IL1RAPL2: variants seen among roughly 807,000 people sequenced by gnomAD.
The protein encoded by IL1RAPL2 is X-linked interleukin-1 receptor accessory protein-like 2.
In IL1RAPL2, 3 loss-of-function variants were observed where a neutral mutation model predicts 44.1. The ratio of observed to expected loss-of-function variants is 0.07; its 90% CI spans 0.03 to 0.18. IL1RAPL2 has a LOEUF of 0.18. IL1RAPL2 is among the 10% of genes least tolerant of loss of function. The pLI is 1.00. For missense variants in IL1RAPL2, 391 were observed against 496.4 expected (o/e 0.79, Z 2.02); for synonymous variants, 181 against 178.8 (o/e 1.01, Z -0.10).
intron 2 of IL1RAPL2, among the ~76,000 whole-genome samples, chrX:104,954,830 T>C (rs1320376229): frequency 1.8e-5 from 2 of 112,789 alleles, no homozygotes; most frequent in Non-Finnish European, 3.8e-5. Flanking sequence ...GCCCCAGAAG[T>C]TTTTTGGCTT....
chrX:105,324,071 C>T (rs903703858), intron 5 of IL1RAPL2, among the ~76,000 whole-genome samples: 1 of 111,615 alleles, frequency 9.0e-6, no homozygotes, highest in African/African-American at 3.3e-5. Flanking sequence ...AAGATTGTAA[C>T]GTGATACAAA....
chrX:104,583,877 C>G (rs1234616935), intron 1 of IL1RAPL2, among the ~76,000 whole-genome samples: 1 of 111,717 alleles, frequency 9.0e-6, no homozygotes, highest in Non-Finnish European at 1.9e-5. Flanking sequence ...CTTAATGTTT[C>G]CTGACTCAGG....
intron 2 of IL1RAPL2, among the ~76,000 whole-genome samples, chrX:105,012,631 TC>T (rs2031073794): frequency 2.7e-5 from 2 of 73,355 alleles, no homozygotes; most frequent in Non-Finnish European, 4.9e-5. Flanking sequence ...TCTCTCTCTC[TC>T]TCTCTCTCTC....
chrX:105,752,508 A>G, intron 9 of IL1RAPL2, among the ~76,000 whole-genome samples: 1 of 111,876 alleles, frequency 8.9e-6, no homozygotes, highest in East Asian at 2.8e-4. Flanking sequence ...TCTTCCTTAC[A>G]CTGTTCTGTC....
At chrX:105,542,282 T>C (rs1335535375) in intron 6 of IL1RAPL2, among the ~76,000 whole-genome samples, 2 of 112,012 alleles carry the variant, frequency 1.8e-5, no homozygotes, top group African/African-American at 6.5e-5. Flanking sequence ...AACACACAGC[T>C]TTATACTATT....
intron 2 of IL1RAPL2, among the ~76,000 whole-genome samples, chrX:104,698,187 A>G (rs185148692): frequency 1.8e-5 from 2 of 112,507 alleles, no homozygotes; most frequent in African/African-American, 6.5e-5. Flanking sequence ...AAAGTGAGGG[A>G]GAAAGAAAAT....
chrX:105,580,735 T>C (rs749998427), intron 6 of IL1RAPL2, among the ~76,000 whole-genome samples: 3 of 111,519 alleles, frequency 2.7e-5, no homozygotes, highest in South Asian at 3.8e-4. Flanking sequence ...CTAGGAGGCA[T>C]TGGCAGCTCT....
intron 9 of IL1RAPL2, among the ~76,000 whole-genome samples, chrX:105,750,622 G>C (rs2038589496): frequency 9.2e-6 from 1 of 108,969 alleles, no homozygotes; most frequent in African/African-American, 3.3e-5. Context: ...GCTTTTTGAT[G>C]AGTACATATG....
chrX:105,110,934 C>G (rs923810184), intron 2 of IL1RAPL2, among the ~76,000 whole-genome samples: 2 of 110,813 alleles, frequency 1.8e-5, no homozygotes, highest in Non-Finnish European at 3.8e-5. Flanking sequence ...GAGACTCCAC[C>G]TCAAAAAAAT....
Position 105,444,219 on chromosome X carries a change from C to G in IL1RAPL2, c.698-40094C>G, listed in dbSNP as rs143040729. Among the ~76,000 whole-genome samples, 592 of 111,909 alleles carry G rather than the reference C, an allele frequency of 5.3e-3. 2 individuals are homozygous for G. Among genetic ancestry groups the G allele is most frequent in the Non-Finnish European group, 9.1e-3 (483 of 53,128 alleles). ...ATTTTTTTCCTATAGAGCTGTTGAACACCTTATATATTCTGGTTATGAATC... is the reference window on the plus strand; with the variant it reads ...ATTTTTTTCCTATAGAGCTGTTGAAGACCTTATATATTCTGGTTATGAATC... On this transcript the variant is annotated intron_variant, in intron 5 of 10. Coordinates refer to ENST00000372582, the MANE Select transcript of IL1RAPL2 (RefSeq NM_017416.2).
intron 5 of IL1RAPL2, among the ~76,000 whole-genome samples, chrX:105,433,557 G>T (rs2035862081): frequency 9.0e-6 from 1 of 111,280 alleles, no homozygotes; most frequent in Admixed American, 9.6e-5. Context: ...TAATTGACTT[G>T]CAACTACCCT....
At chrX:105,027,441 C>A (rs1429191446) in intron 2 of IL1RAPL2, among the ~76,000 whole-genome samples, 1 of 110,894 alleles carries the variant, frequency 9.0e-6, no homozygotes, top group East Asian at 2.8e-4. Context: ...GGATTAATAA[C>A]CACAATATAA....
At position 105,277,289 on chromosome X, in the gene IL1RAPL2, G is replaced by A. The variant is rs2034494109; in HGVS notation, c.697+9748G>A. On this transcript the variant is annotated intron_variant, in intron 5 of 10. Transcript: ENST00000372582. ...TAAGGAACAACCACAGCAGTCAATA[G>A]TTCTTGGATGCATTAAGGGAACATT... is the stretch of plus-strand genomic sequence containing the variant. Among the ~76,000 whole-genome samples, 3 of 112,452 alleles carry A rather than the reference G, an allele frequency of 2.7e-5. No homozygotes were observed. The South Asian group carries it at 1.1e-3, about 42-fold the overall frequency.
chrX:104,640,152 A>C (rs780861551), intron 1 of IL1RAPL2, among the ~76,000 whole-genome samples: 1 of 111,619 alleles, frequency 9.0e-6, no homozygotes, highest in African/African-American at 3.3e-5. Flanking sequence ...CCCATATGTC[A>C]TGTAGGCTGT....
At chrX:105,012,682 G>C (rs1472998962) in intron 2 of IL1RAPL2, among the ~76,000 whole-genome samples, 3 of 103,589 alleles carry the variant, frequency 2.9e-5, no homozygotes, top group African/African-American at 1.1e-4. Flanking sequence ...CACAGAGAGA[G>C]AGAGAGAGAA....
intron 6 of IL1RAPL2, among the ~76,000 whole-genome samples, chrX:105,625,415 G>A (rs1394632022): frequency 8.9e-6 from 1 of 111,994 alleles, no homozygotes; most frequent in African/African-American, 3.2e-5. Flanking sequence ...TTTGGTGGGA[G>A]CACAGAGGAA....
chrX:105,248,913 A>G (rs1015790379), intron 4 of IL1RAPL2, among the ~76,000 whole-genome samples: 6 of 111,545 alleles, frequency 5.4e-5, no homozygotes, highest in Non-Finnish European at 9.5e-5. Flanking sequence ...AATTACTACA[A>G]CCCCTATGGA....
At chrX:105,592,200 G>A (rs1397410517) in intron 6 of IL1RAPL2, among the ~76,000 whole-genome samples, 1 of 111,280 alleles carries the variant, frequency 9.0e-6, no homozygotes, top group Non-Finnish European at 1.9e-5. Flanking sequence ...ATCATTTTTG[G>A]TTTAAGGTCT....
At chrX:105,321,899 T>TA (rs1430969373) in intron 5 of IL1RAPL2, among the ~76,000 whole-genome samples, 1 of 112,850 alleles carries the variant, frequency 8.9e-6, no homozygotes, top group Non-Finnish European at 1.9e-5. Context: ...CTCTGACTGG[T>TA]AATAACAATG....
Sources: allele counts gnomAD v4.1 joint callset (sites outside exome capture counted in the v4.1 genomes callset), GRCh38; gene constraint gnomAD v4.1.1; transcripts MANE v1.5; gene names NCBI Gene and HGNC (gene_info 2026-07-23, HGNC 2026-07-21).